Variants in ADGB observed in about 807,000 individuals in gnomAD.
ADGB encodes the protein calpain-7-like protein.
In ADGB, 172 loss-of-function variants were observed where a neutral mutation model predicts 210.5. That is an observed-to-expected ratio of 0.82 (90% confidence interval 0.72 to 0.93). ADGB has a LOEUF of 0.93. Ranked by LOEUF, ADGB falls within the 40% of genes least tolerant of loss-of-function variation. The pLI is 0.00. For missense variants in ADGB, 2,025 were observed against 1,964.8 expected, an observed-to-expected ratio of 1.03 and a Z score of -0.58; for synonymous variants, 658 against 662.7, an observed-to-expected ratio of 0.99 and a Z score of 0.11.
At chr6:146,625,491 C>G (rs1471646109) in intron 1 of ADGB, among the ~76,000 whole-genome samples, 2 of 151,968 alleles carry the variant, frequency 1.3e-5, no homozygotes, top group Non-Finnish European at 2.9e-5. Context: ...GACATTTGTC[C>G]TTTCCAAATA....
chr6:146,698,526 T>C (rs999081965), intron 12 of ADGB, among the ~76,000 whole-genome samples: 1 of 152,166 alleles, frequency 6.6e-6, no homozygotes, highest in African/African-American at 2.4e-5. Flanking sequence ...ATATTTTACC[T>C]TTAAGGTTTT....
chr6:146,636,437 T>C (rs1396585922), intron 2 of ADGB, among the ~76,000 whole-genome samples: 2 of 151,978 alleles, frequency 1.3e-5, no homozygotes, highest in African/African-American at 4.8e-5. Context: ...CTAAACAAGT[T>C]CCAAATTAGC....
chr6:146,671,855 T>A (rs1026808870), intron 7 of ADGB, among the ~76,000 whole-genome samples: 1 of 152,092 alleles, frequency 6.6e-6, no homozygotes, highest in African/African-American at 2.4e-5. Context: ...CCTAATAAGA[T>A]AAGGACCTTC....
chr6:146,691,457 TAA>T (rs1211564310), intron 11 of ADGB, among the ~76,000 whole-genome samples, 167 bp downstream of exon 11: 3 of 40,968 alleles, frequency 7.3e-5, no homozygotes, highest in Admixed American at 7.8e-4. Flanking sequence ...TATATATATA[TAA>T]AAATATATAT....
At chr6:146,740,629 A>C in intron 24 of ADGB, 36 bp downstream of exon 24, 1 of 1,536,444 alleles carries the variant, frequency 6.5e-7, no homozygotes, top group Non-Finnish European at 8.8e-7. Flanking sequence ...ATGTCTCTAA[A>C]TGGCTTGCAA....
chr6:146,778,422 C>T (rs1368021281), intron 29 of ADGB, among the ~76,000 whole-genome samples: 1 of 152,128 alleles, frequency 6.6e-6, no homozygotes, highest in South Asian at 2.1e-4. Context: ...AAAAGGTGTC[C>T]TCTGTGGCCT....
intron 9 of ADGB, among the ~76,000 whole-genome samples, chr6:146,676,866 G>C (rs2114907725): frequency 6.6e-6 from 1 of 152,300 alleles, no homozygotes; most frequent in African/African-American, 2.4e-5. Flanking sequence ...GTTTTAGAAA[G>C]TAACTGTGAG....
chr6:146,756,080 A>G (rs1483100770), intron 27 of ADGB, among the ~76,000 whole-genome samples: 1 of 152,064 alleles, frequency 6.6e-6, no homozygotes, highest in African/African-American at 2.4e-5. Flanking sequence ...AGGGAGTATA[A>G]GCTGAGCAAC....
chr6:146,610,247 C>T (rs1780687469), intron 1 of ADGB, among the ~76,000 whole-genome samples: 1 of 152,178 alleles, frequency 6.6e-6, no homozygotes, highest in Non-Finnish European at 1.5e-5. Context: ...AATCATTTTA[C>T]TGGATTCCTT....
intron 10 of ADGB, among the ~76,000 whole-genome samples, chr6:146,687,352 C>T (rs940583388): frequency 1.3e-5 from 2 of 152,060 alleles, no homozygotes; most frequent in African/African-American, 2.4e-5. Flanking sequence ...GATATGCTAG[C>T]GAGTAAATGC....
intron 30 of ADGB, among the ~76,000 whole-genome samples, chr6:146,783,323 T>C (rs1777827952): frequency 6.6e-6 from 1 of 152,102 alleles, no homozygotes; most frequent in South Asian, 2.1e-4. Context: ...TGATGACTTG[T>C]TGTTTCAGAC....
At chr6:146,657,096 C>T in intron 5 of ADGB, 116 bp downstream of exon 5, 2 of 907,582 alleles carry the variant, frequency 2.2e-6, no homozygotes, top group Non-Finnish European at 3.3e-6. Context: ...AAGGCCAAGG[C>T]AGTGGATCAC....
intron 7 of ADGB, among the ~76,000 whole-genome samples, chr6:146,671,804 A>T (rs1046220677): frequency 6.6e-6 from 1 of 152,204 alleles, no homozygotes; most frequent in African/African-American, 2.4e-5. Context: ...TCAGGGAAGA[A>T]TTAAAAGCAA....
intron 33 of ADGB, among the ~76,000 whole-genome samples, chr6:146,790,295 A>T (rs1466117202): frequency 6.6e-6 from 1 of 152,140 alleles, no homozygotes; most frequent in Non-Finnish European, 1.5e-5. Context: ...CTGCTAGCTA[A>T]CTGAAACTAA....
At chr6:146,679,448 C>T (rs1776128546) in intron 9 of ADGB, among the ~76,000 whole-genome samples, 1 of 152,178 alleles carries the variant, frequency 6.6e-6, no homozygotes, top group South Asian at 2.1e-4. Flanking sequence ...AAGAGGAACA[C>T]AGTAACTGCG....
At chr6:146,801,123 G>A in intron 33 of ADGB, 60 bp from the exon 34 acceptor site, 1 of 870,190 alleles carries the variant, frequency 1.1e-6, no homozygotes, top group Non-Finnish European at 1.7e-6. Context: ...TAGTCATTTG[G>A]TTAGTCATTA....
At chr6:146,693,128 T>A (rs756351917) in intron 12 of ADGB, among the ~76,000 whole-genome samples, 1 of 152,238 alleles carries the variant, frequency 6.6e-6, no homozygotes, top group Non-Finnish European at 1.5e-5. Context: ...TTTTTACTAA[T>A]TTCTTGTGTG....
chr6:146,796,016 C>A (rs192176620), intron 33 of ADGB, among the ~76,000 whole-genome samples: 1 of 151,956 alleles, frequency 6.6e-6, no homozygotes, highest in African/African-American at 2.4e-5. Context: ...GATGAAACAT[C>A]AATGTACACA....
At chr6:146,601,836 G>A (rs1780560368) in intron 1 of ADGB, among the ~76,000 whole-genome samples, 1 of 152,068 alleles carries the variant, frequency 6.6e-6, no homozygotes, top group Admixed American at 6.5e-5. Flanking sequence ...ATGTCAACTA[G>A]CACATAAAAA....
Sources: allele counts gnomAD v4.1 joint callset (sites outside exome capture counted in the v4.1 genomes callset), GRCh38; gene constraint gnomAD v4.1.1; transcripts MANE v1.5; gene names NCBI Gene and HGNC (gene_info 2026-07-23, HGNC 2026-07-21).